The following COL22A1 variants were observed in gnomAD, a reference collection of about 807,000 sequenced individuals.
COL22A1 encodes collagen alpha-1(XXII) chain.
COL22A1 carries 221 observed loss-of-function variants against 248.9 expected under a neutral mutation model. The ratio of observed to expected loss-of-function variants is 0.89; its 90% CI spans 0.80 to 0.99. The LOEUF (loss-of-function observed/expected upper bound fraction) is 0.99, where lower values mean the gene tolerates loss of function less well. Ranked by LOEUF, COL22A1 falls within the 50% of genes least tolerant of loss-of-function variation. COL22A1 has a pLI of 0.00. For missense variants in COL22A1, 2,240 were observed against 2,179.0 expected (o/e 1.03, Z -0.56); for synonymous variants, 891 against 793.4 (o/e 1.12, Z -2.07).
At chr8:138,786,423 A>G (rs879670056) in intron 12 of COL22A1, among the ~76,000 whole-genome samples, 1 of 152,200 alleles carries the variant, frequency 6.6e-6, no homozygotes, top group Admixed American at 6.5e-5. Context: ...CAAGCATTTT[A>G]CTAGAATGAT....
chr8:138,711,427 C>T (rs754179176), intron 30 of COL22A1, among the ~76,000 whole-genome samples: 1 of 152,222 alleles, frequency 6.6e-6, no homozygotes, highest in Non-Finnish European at 1.5e-5. Flanking sequence ...AAACCAGATT[C>T]TTTGGAAGCT....
chr8:138,889,840 C>T (rs1249256645), intron 1 of COL22A1, among the ~76,000 whole-genome samples: 3 of 152,136 alleles, frequency 2.0e-5, no homozygotes, highest in Non-Finnish European at 2.9e-5. Context: ...TTGATAATTT[C>T]CCTCATTGCA....
chr8:138,781,258 T>C (rs1167125065), intron 12 of COL22A1, among the ~76,000 whole-genome samples: 3 of 152,202 alleles, frequency 2.0e-5, no homozygotes, highest in African/African-American at 7.2e-5. Flanking sequence ...CTCTGGTCCA[T>C]AGTCCTTCAC....
At position 138,883,221 on chromosome 8, in the gene COL22A1, T is replaced by C. The variant is rs1463271034; in HGVS notation, c.-49A>G. 2.6e-6 allele frequency: 4 copies of C among 1,516,648 alleles called. No homozygotes were observed. In the Admixed American group the frequency reaches 5.9e-5, roughly 22 times the overall value. 93.9% of individuals were successfully genotyped at this position (1,516,648 alleles called of 1,614,324 possible). A position where few individuals can be genotyped will look rare whatever the true frequency, so the allele number is the denominator to read the frequency against. On this transcript the variant is annotated 5_prime_UTR_variant, in exon 2 of 65. Coordinates refer to ENST00000303045, the MANE Select transcript of COL22A1 (RefSeq NM_152888.3). Reference sequence around the variant, plus strand: ...GCTTCTCTTGGCCAGGAAGAGACGCTGTTAGGGTCTACAGCAGCATGGCCT... The same window carrying C: ...GCTTCTCTTGGCCAGGAAGAGACGCCGTTAGGGTCTACAGCAGCATGGCCT...
At chr8:138,742,197 T>C (rs1220543195) in intron 22 of COL22A1, among the ~76,000 whole-genome samples, 3 of 151,006 alleles carry the variant, frequency 2.0e-5, no homozygotes, top group African/African-American at 2.4e-5. Flanking sequence ...ATGATGGTAA[T>C]AGTGATCGTG....
intron 46 of COL22A1, among the ~76,000 whole-genome samples, chr8:138,648,935 G>T (rs1177656351): frequency 6.6e-6 from 1 of 152,178 alleles, no homozygotes; most frequent in Non-Finnish European, 1.5e-5. Flanking sequence ...AAAAGAGTGA[G>T]ATTTCTTCCT....
chr8:138,780,483 A>G (rs1195494700), intron 13 of COL22A1, among the ~76,000 whole-genome samples: 1 of 152,210 alleles, frequency 6.6e-6, no homozygotes, highest in African/African-American at 2.4e-5. Context: ...GTTGCAGCTC[A>G]GAGGCAGGTG....
chr8:138,907,690 A>G (rs1815127292), intron 1 of COL22A1, among the ~76,000 whole-genome samples: 1 of 152,232 alleles, frequency 6.6e-6, no homozygotes, highest in African/African-American at 2.4e-5. Context: ...AGAGAGATGC[A>G]TTTGCCTCAC....
At chr8:138,682,552 T>C (rs1430385516) in intron 39 of COL22A1, among the ~76,000 whole-genome samples, 4 of 152,224 alleles carry the variant, frequency 2.6e-5, no homozygotes. Context: ...TAATTTTCAC[T>C]GGATATGGGC....
At chr8:138,623,237 CATAT>C (rs5895541) in intron 52 of COL22A1, among the ~76,000 whole-genome samples, 2,261 of 141,024 alleles carry the variant, frequency 0.016, 67 homozygotes, top group African/African-American at 0.055. Context: ...TGTGTGTGTA[CATAT>C]ATATATATAT....
intron 30 of COL22A1, among the ~76,000 whole-genome samples, chr8:138,714,345 C>T (rs1012190822): frequency 3.9e-5 from 6 of 152,162 alleles, no homozygotes; most frequent in African/African-American, 1.4e-4. Context: ...TTTCTCCATC[C>T]CAGGAGGCAA....
chr8:138,616,524 T>C (rs1280990782), intron 54 of COL22A1, among the ~76,000 whole-genome samples: 3 of 152,184 alleles, frequency 2.0e-5, no homozygotes, highest in Admixed American at 2.0e-4. Context: ...GGGGTAAAAG[T>C]GATGCTTTCC....
chr8:138,654,379 T>G (rs1338191395), intron 45 of COL22A1, among the ~76,000 whole-genome samples: 1 of 152,232 alleles, frequency 6.6e-6, no homozygotes, highest in African/African-American at 2.4e-5. Flanking sequence ...TGCTACTTAT[T>G]TTTTAATAAA....
intron 3 of COL22A1, among the ~76,000 whole-genome samples, chr8:138,862,041 A>AAG (rs1265934667): frequency 4.3e-5 from 6 of 139,646 alleles, no homozygotes; most frequent in African/African-American, 6.3e-5. Flanking sequence ...AAAAAAAAAA[A>AAG]AAAAAAGAAA....
chr8:138,797,739 T>A (rs1357249926), intron 11 of COL22A1, among the ~76,000 whole-genome samples: 1 of 152,186 alleles, frequency 6.6e-6, no homozygotes, highest in Non-Finnish European at 1.5e-5. Context: ...TCCTAGTTGT[T>A]CTACCCATTA....
chr8:138,821,192 C>G lies in COL22A1; in HGVS notation c.1189G>C (p.Asp397His). 6.2e-7 allele frequency: 1 copy of G among 1,614,186 alleles called. No individual in the cohort carries two copies. ...CCAATCACAGTCTTGCCCTGGATGTCAATGTTCTCCCGTTCCTCGATGGGT... is the reference window on the plus strand; with the variant it reads ...CCAATCACAGTCTTGCCCTGGATGTGAATGTTCTCCCGTTCCTCGATGGGT... ...TLPIEERENI[D>H]IQGKTVIGKR... is the part of the protein sequence containing the mutation. The change falls in exon 7 of 65, where the codon GAC becomes CAC. Residue 397 changes from aspartate to histidine, a missense_variant. Transcript: ENST00000303045.
intron 56 of COL22A1, among the ~76,000 whole-genome samples, chr8:138,610,548 T>A (rs1053513888): frequency 1.2e-4 from 19 of 152,208 alleles, no homozygotes; most frequent in African/African-American, 4.6e-4. Flanking sequence ...ACAAAGTAGA[T>A]ATTTGGCAAA....
chr8:138,842,873 G>T (rs1820988967), intron 4 of COL22A1, among the ~76,000 whole-genome samples: 1 of 152,200 alleles, frequency 6.6e-6, no homozygotes, highest in Non-Finnish European at 1.5e-5. Context: ...CACTTTGTTT[G>T]GTTTCCTCTG....
intron 3 of COL22A1, among the ~76,000 whole-genome samples, chr8:138,857,407 A>ATGTCCTG (rs1822117411): frequency 6.6e-6 from 1 of 152,184 alleles, no homozygotes; most frequent in Non-Finnish European, 1.5e-5. Flanking sequence ...GGCCAAACAC[A>ATGTCCTG]GCTTCGCCTG....
Sources: gnomAD v4.1 joint callset for allele counts (sites outside exome capture counted in the v4.1 genomes callset) on GRCh38, gnomAD v4.1.1 for gene constraint, MANE v1.5 for transcripts, NCBI Gene and HGNC (gene_info 2026-07-23, HGNC 2026-07-21) for gene names.